Variants in MACROD2 observed in about 807,000 individuals in gnomAD.
The protein encoded by MACROD2 is mono-ADP ribosylhydrolase 2.
In MACROD2, 36 loss-of-function variants were observed where a neutral mutation model predicts 70.4. That is an observed-to-expected ratio of 0.51 (90% CI 0.39 to 0.68). MACROD2 has a LOEUF of 0.68. Ranked by LOEUF, MACROD2 falls within the 30% of genes least tolerant of loss-of-function variation. MACROD2 has a pLI of 0.00. For missense variants in MACROD2, 496 were observed against 538.4 expected, an observed-to-expected ratio of 0.92 and a Z score of 0.78; for synonymous variants, 172 against 178.8, an observed-to-expected ratio of 0.96 and a Z score of 0.30.
At chr20:14,984,299 C>T (rs2423900) in intron 5 of MACROD2, among the ~76,000 whole-genome samples, 3,598 of 152,148 alleles carry the variant, frequency 0.024, 71 homozygotes, top group Admixed American at 0.048. Flanking sequence ...TGTTCTTGGG[C>T]GGAGAACTAG....
intron 3 of MACROD2, among the ~76,000 whole-genome samples, chr20:14,315,352 A>G (rs1184834027): frequency 2.6e-5 from 4 of 152,308 alleles, no homozygotes; most frequent in African/African-American, 7.2e-5. Flanking sequence ...AAGAGCTTTC[A>G]CCAAGATTGT....
chr20:15,410,300 G>A (rs2046059506), intron 6 of MACROD2, among the ~76,000 whole-genome samples: 1 of 152,192 alleles, frequency 6.6e-6, no homozygotes, highest in East Asian at 1.9e-4. Context: ...TTGACAAAGA[G>A]AAATATACCA....
chr20:14,316,554 T>G (rs1045035965), intron 3 of MACROD2, among the ~76,000 whole-genome samples: 3 of 151,738 alleles, frequency 2.0e-5, no homozygotes, highest in Admixed American at 2.0e-4. Context: ...AAAACATGAG[T>G]TTTTTTTGTG....
intron 8 of MACROD2, among the ~76,000 whole-genome samples, chr20:15,591,758 T>C (rs2048683916): frequency 6.6e-6 from 1 of 152,218 alleles, no homozygotes; most frequent in South Asian, 2.1e-4. Context: ...ATTTGGTGGC[T>C]AATTATCTGT....
intron 3 of MACROD2, among the ~76,000 whole-genome samples, chr20:14,277,155 A>T (rs907024496): frequency 2.6e-5 from 4 of 152,184 alleles, no homozygotes; most frequent in Non-Finnish European, 5.9e-5. Context: ...TACAAAAAAA[A>T]AATTAACTGG....
intron 5 of MACROD2, among the ~76,000 whole-genome samples, chr20:14,973,878 G>C (rs1018154838): frequency 1.3e-5 from 2 of 152,118 alleles, no homozygotes; most frequent in Non-Finnish European, 2.9e-5. Context: ...GAAAGTGTCA[G>C]TTACTACCTT....
At chr20:15,482,389 C>A (rs1377579314) in intron 7 of MACROD2, among the ~76,000 whole-genome samples, 1 of 152,086 alleles carries the variant, frequency 6.6e-6, no homozygotes, top group South Asian at 2.1e-4. Context: ...GAAAGATACC[C>A]TTACACACCT....
intron 10 of MACROD2, among the ~76,000 whole-genome samples, chr20:15,897,667 T>C (rs1486575852): frequency 1.3e-5 from 2 of 152,188 alleles, no homozygotes; most frequent in Non-Finnish European, 2.9e-5. Flanking sequence ...TGTTTAACTC[T>C]TCACTGTATT....
chr20:15,720,122 C>T (rs2050767040), intron 8 of MACROD2, among the ~76,000 whole-genome samples: 1 of 152,150 alleles, frequency 6.6e-6, no homozygotes, highest in Non-Finnish European at 1.5e-5. Context: ...TCAAAAATGA[C>T]AGAATTTTAT....
At chr20:15,088,022 G>C (rs1015928955) in intron 5 of MACROD2, among the ~76,000 whole-genome samples, 2 of 151,826 alleles carry the variant, frequency 1.3e-5, no homozygotes, top group Non-Finnish European at 2.9e-5. Flanking sequence ...CACATGCCAG[G>C]TAACATGTAG....
chr20:14,995,277 A>G (rs1019236154), intron 5 of MACROD2, among the ~76,000 whole-genome samples: 4 of 152,106 alleles, frequency 2.6e-5, no homozygotes, highest in African/African-American at 9.7e-5. Context: ...AGATGGGATT[A>G]GTTACTTGGT....
intron 3 of MACROD2, among the ~76,000 whole-genome samples, chr20:14,423,568 C>T (rs1231217759): frequency 2.6e-5 from 4 of 150,954 alleles, no homozygotes; most frequent in Non-Finnish European, 1.5e-5. Context: ...CGCATGGTGG[C>T]GGGCCCCTGT....
chr20:14,802,728 T>A (rs892274020), intron 5 of MACROD2, among the ~76,000 whole-genome samples: 2 of 151,952 alleles, frequency 1.3e-5, no homozygotes, highest in Non-Finnish European at 2.9e-5. Flanking sequence ...TCTCTGTCTT[T>A]GGATCTCATT....
chr20:15,139,152 C>T (rs1430560690), intron 5 of MACROD2, among the ~76,000 whole-genome samples: 1 of 152,116 alleles, frequency 6.6e-6, no homozygotes, highest in Non-Finnish European at 1.5e-5. Context: ...CTCATCCATG[C>T]TTATAAAAAT....
intron 8 of MACROD2, among the ~76,000 whole-genome samples, chr20:15,815,607 T>A (rs200938523): frequency 6.6e-6 from 1 of 152,190 alleles, no homozygotes; most frequent in East Asian, 1.9e-4. Context: ...CGTAGCAGAA[T>A]GAAATATTAT....
At chr20:15,725,511 T>C (rs2146941408) in intron 8 of MACROD2, among the ~76,000 whole-genome samples, 1 of 88,082 alleles carries the variant, frequency 1.1e-5, no homozygotes, top group East Asian at 2.4e-4. Flanking sequence ...ACGTAGATAA[T>C]CATGTCATCT....
intron 3 of MACROD2, among the ~76,000 whole-genome samples, chr20:14,461,683 G>A (rs2084374210): frequency 6.6e-6 from 1 of 150,496 alleles, no homozygotes; most frequent in Non-Finnish European, 1.5e-5. Context: ...AGTCCCCGGT[G>A]TGTGATGTTC....
At chr20:14,103,232 T>C (rs750490906) in intron 3 of MACROD2, among the ~76,000 whole-genome samples, 8 of 152,236 alleles carry the variant, frequency 5.3e-5, no homozygotes, top group Admixed American at 3.3e-4. Flanking sequence ...GTTTATTTTT[T>C]TGTTTTCCTA....
At chr20:14,044,906 G>A (rs1013110206) in intron 2 of MACROD2, among the ~76,000 whole-genome samples, 4 of 152,202 alleles carry the variant, frequency 2.6e-5, no homozygotes, top group African/African-American at 4.8e-5. Context: ...CTCGGGCCAC[G>A]CAGGAGCCCA....
Sources: gnomAD v4.1 joint callset for allele counts (sites outside exome capture counted in the v4.1 genomes callset) on GRCh38, gnomAD v4.1.1 for gene constraint, MANE v1.5 for transcripts, NCBI Gene and HGNC (gene_info 2026-07-23, HGNC 2026-07-21) for gene names.